The following CNOT1 variants were observed in gnomAD, a reference collection of about 807,000 sequenced individuals.
CNOT1 encodes CCR4-associated factor 1.
Under a neutral mutation model 273.8 loss-of-function variants are expected in CNOT1, and 15 were observed. That is an observed-to-expected ratio of 0.05 (90% CI 0.04 to 0.08). The LOEUF (loss-of-function observed/expected upper bound fraction) is 0.08. CNOT1 is among the 10% of genes least tolerant of loss of function. CNOT1 has a pLI of 1.00. For missense variants in CNOT1, 1,644 were observed against 2,912.2 expected, an observed-to-expected ratio of 0.56 and a Z score of 10.02; for synonymous variants, 1,022 against 1,005.5, an observed-to-expected ratio of 1.02 and a Z score of -0.31.
At chr16:58,576,934 C>G (rs2041474257) in intron 13 of CNOT1, among the ~76,000 whole-genome samples, 1 of 152,162 alleles carries the variant, frequency 6.6e-6, no homozygotes, top group Non-Finnish European at 1.5e-5. Flanking sequence ...ATGCAAATTA[C>G]TGGTATATAA....
At position 58,541,408 on chromosome 16, in the gene CNOT1, T is replaced by C. The variant is rs2040092973; in HGVS notation, c.4800+93A>G. The C allele has an allele frequency of 2.6e-6, 4 of 1,527,938 alleles. 1 individual carries two copies. The Admixed American group carries it at 8.5e-5, about 32-fold the overall frequency. 94.6% of individuals were successfully genotyped at this position (1,527,938 alleles called of 1,614,324 possible). A position where few individuals can be genotyped will look rare whatever the true frequency, so the allele number is the denominator to read the frequency against. ...TAGGTGTTTTTTCCCCTGTAAATTA[T>C]TCTCCCAGGAAGCAAGTCAAAAACA... On this transcript the variant is annotated intron_variant, in intron 34 of 48. Coordinates refer to ENST00000317147, the MANE Select transcript of CNOT1 (RefSeq NM_016284.5).
chr16:58,584,167 CAA>C (rs146436937), intron 8 of CNOT1, among the ~76,000 whole-genome samples: 6 of 97,560 alleles, frequency 6.2e-5, no homozygotes, highest in Non-Finnish European at 4.3e-5. Flanking sequence ...CACTCCGTCT[CAA>C]AAAAAAAAAA....
chr16:58,622,840 T>C (rs1278327501), intron 1 of CNOT1, among the ~76,000 whole-genome samples: 1 of 142,324 alleles, frequency 7.0e-6, no homozygotes, highest in Non-Finnish European at 1.5e-5. Context: ...AGAGTGAAAC[T>C]CTTGACCCAA....
intron 16 of CNOT1, among the ~76,000 whole-genome samples, chr16:58,568,700 A>G (rs929155180): frequency 2.0e-5 from 3 of 151,262 alleles, no homozygotes; most frequent in African/African-American, 4.9e-5. Flanking sequence ...AAAAGAGAGA[A>G]AAAAAAAAAA....
At chr16:58,592,105 T>C (rs74522044) in intron 2 of CNOT1, among the ~76,000 whole-genome samples, 6,055 of 152,290 alleles carry the variant, frequency 0.04, 148 homozygotes, top group Middle Eastern at 0.065. Context: ...TTAATTATTT[T>C]ACTCGTCTCC....
intron 1 of CNOT1, among the ~76,000 whole-genome samples, chr16:58,620,199 T>G (rs2043257232): frequency 6.6e-6 from 1 of 152,082 alleles, no homozygotes; most frequent in African/African-American, 2.4e-5. Flanking sequence ...ACAGAAAACT[T>G]AAAAGGCATT....
intron 4 of CNOT1, 68 bp from the exon 5 acceptor site, chr16:58,587,481 TG>T: frequency 6.3e-7 from 1 of 1,598,906 alleles, no homozygotes; most frequent in Non-Finnish European, 8.5e-7. Flanking sequence ...ACAACCTATC[TG>T]TTTGCCCAAG....
At chr16:58,629,212 G>C (rs77408470) in intron 1 of CNOT1, among the ~76,000 whole-genome samples, 133 of 152,364 alleles carry the variant, frequency 8.7e-4, no homozygotes, top group Non-Finnish European at 1.7e-3. Flanking sequence ...GAGAGTGGCA[G>C]CTCCGAGTAC....
chr16:58,574,548 G>C (rs2041396019), intron 16 of CNOT1, 61 bp downstream of exon 16: 3 of 1,470,750 alleles, frequency 2.0e-6, no homozygotes, highest in Admixed American at 2.4e-5. Flanking sequence ...TCTTCCGCAA[G>C]TCTACAATTA....
chr16:58,525,345 A>T lies in CNOT1; in HGVS notation c.6618T>A (p.Pro2206=). ...TGAGCTGGAGGTTGTAGCGATTCCC[A>T]GGTTCATTGGATACCTTAAAATGAG... ...LRSNLQVSNE[P]GNRYNLQLIN... The change falls in exon 46 of 49, where the codon CCT becomes CCA. Residue 2206 remains proline, a synonymous_variant. Transcript: ENST00000317147. 1 of 1,613,366 alleles carries T rather than the reference A, an allele frequency of 6.2e-7. No homozygotes were observed. Among genetic ancestry groups the T allele is most frequent in the Middle Eastern group, 1.8e-4 (1 of 5,418 alleles).
At chr16:58,522,423 T>C (rs536256849) in intron 47 of CNOT1, among the ~76,000 whole-genome samples, 2 of 152,222 alleles carry the variant, frequency 1.3e-5, no homozygotes, top group East Asian at 3.9e-4. Flanking sequence ...ATAAACAAAA[T>C]GGATCATCAT....
rs201549418 is a variant in CNOT1, at chr16:58,538,118, C to T, written c.5244+40G>A. ...AAACACTTAAGAGCAAACGTACTTC[C>T]CTGAGTCCTTTTGTCCGTGCAAGTA... On this transcript the variant is annotated intron_variant, in intron 37 of 48. Transcript: ENST00000317147. 217 of 1,612,016 alleles carry T rather than the reference C, an allele frequency of 1.3e-4. No individual in the cohort carries two copies. In the African/African-American group the frequency reaches 2.6e-3, roughly 20 times the overall value.
chr16:58,527,898 TTGAGG>T, intron 44 of CNOT1: 1 of 244,450 alleles, frequency 4.1e-6, no homozygotes. Flanking sequence ...GGCAGATTAC[TTGAGG>T]TGAGGAGCTC....
At chr16:58,625,101 T>A (rs972527614) in intron 1 of CNOT1, among the ~76,000 whole-genome samples, 1 of 151,542 alleles carries the variant, frequency 6.6e-6, no homozygotes, top group East Asian at 1.9e-4. Context: ...AATACAAAAA[T>A]TAGGCCAGGC....
chr16:58,537,286 G>C (rs935090320), intron 38 of CNOT1, 66 bp from the exon 39 acceptor site: 351 of 1,512,064 alleles, frequency 2.3e-4, no homozygotes, highest in Non-Finnish European at 2.9e-4. Context: ...ACATACGCAT[G>C]TATAGTTTGC....
chr16:58,571,311 T>C (rs1597482034), intron 16 of CNOT1, among the ~76,000 whole-genome samples: 1 of 152,148 alleles, frequency 6.6e-6, no homozygotes, highest in Non-Finnish European at 1.5e-5. Flanking sequence ...ATCCCAGCAC[T>C]TTGAGAGGCC....
At chr16:58,574,874 C>A in intron 15 of CNOT1, 114 bp from the exon 16 acceptor site, 1 of 1,559,280 alleles carries the variant, frequency 6.4e-7, no homozygotes, top group Non-Finnish European at 8.6e-7. Context: ...ATCTTCATTG[C>A]CATTTAAAAA....
intron 8 of CNOT1, among the ~76,000 whole-genome samples, chr16:58,583,889 C>T (rs1238967755): frequency 1.3e-5 from 2 of 151,510 alleles, no homozygotes; most frequent in African/African-American, 4.8e-5. Flanking sequence ...AGTGTAAGAG[C>T]CGGGTGTGGT....
At position 58,547,382 on chromosome 16, in the gene CNOT1, T is replaced by G. The variant is rs2040291011; in HGVS notation, c.3640-86A>C. On this transcript the variant is annotated intron_variant, in intron 26 of 48. Coordinates refer to ENST00000317147, the MANE Select transcript of CNOT1 (RefSeq NM_016284.5). This position sits in a 1 kb window ranked among gnomAD's most constrained non-coding sequence, Gnocchi z 4.0. ...ACCAAAGAAAAGTATTTTGCCAAGC[T>G]TATCCCCAAAACAGGAATCAACATA... 6.4e-7 allele frequency: 1 copy of G among 1,572,080 alleles called. No individual in the cohort carries two copies. Among genetic ancestry groups the G allele is most frequent in the Non-Finnish European group, 8.6e-7 (1 of 1,158,222 alleles).
Sources: gnomAD v4.1 joint callset for allele counts (sites outside exome capture counted in the v4.1 genomes callset) on GRCh38, gnomAD v4.1.1 for gene constraint, Gnocchi (gnomAD v3.1) non-coding constraint, MANE v1.5 for transcripts, NCBI Gene and HGNC (gene_info 2026-07-23, HGNC 2026-07-21) for gene names.